The following PDZD7 variants were observed in gnomAD, a reference collection of about 807,000 sequenced individuals.
PDZD7 encodes the protein PDZ domain-containing protein 7.
PDZD7 carries 72 observed loss-of-function variants against 84.7 expected under a neutral mutation model. The ratio of observed to expected loss-of-function variants is 0.85; its 90% CI spans 0.70 to 1.03. PDZD7 has a LOEUF of 1.03. Among genes scored for constraint, PDZD7 ranks in the 50% least tolerant of loss-of-function variants. PDZD7 has a pLI of 0.00. For synonymous variants in PDZD7, 594 were observed against 580.7 expected (o/e 1.02, Z -0.33); for missense variants, 1,490 against 1,412.9 (o/e 1.05, Z -0.87).
Position 101,008,523 on chromosome 10 carries a change from AG to A in PDZD7, c.3045del (p.Ser1016ProfsTer29), listed in dbSNP as rs1852289551. 4.0e-6 allele frequency: 6 copies of A among 1,494,436 alleles called. No homozygotes were observed. Among genetic ancestry groups the A allele is most frequent in the African/African-American group, 1.5e-5 (1 of 66,020 alleles). 92.6% of individuals were successfully genotyped at this position (1,494,436 alleles called of 1,614,324 possible). A position where few individuals can be genotyped will look rare whatever the true frequency, so the allele number is the denominator to read the frequency against. ...RLLQPTPSPA[P>X]SPALQTPDSK... ...GAATCAGGAGTCTGGAGGGCTGGGG[AG>A]GGGGCTGGGCTGGGAGTTGGCTGGA... is the stretch of plus-strand genomic sequence containing the variant. On this transcript the variant is annotated frameshift_variant, in exon 17 of 17. Transcript: ENST00000619208. LOFTEE classifies it low-confidence loss of function (END_TRUNC).
chr10:101,018,698 T>C (rs777646724), intron 8 of PDZD7, 124 bp downstream of exon 8: 22 of 1,281,380 alleles, frequency 1.7e-5, no homozygotes, highest in Non-Finnish European at 2.3e-5. Flanking sequence ...AGCCTGGAGC[T>C]TGGGTTGGGC....
intron 9 of PDZD7, 52 bp downstream of exon 9, chr10:101,018,047 C>G (rs1487956635): frequency 6.8e-6 from 11 of 1,611,082 alleles, no homozygotes; most frequent in East Asian, 2.2e-5. Flanking sequence ...TGCTGAATGC[C>G]GAAGCTAGTG....
At chr10:101,026,738 G>T (rs1020758857) in intron 2 of PDZD7, among the ~76,000 whole-genome samples, 1 of 149,280 alleles carries the variant, frequency 6.7e-6, no homozygotes, top group African/African-American at 2.5e-5. Context: ...GAGAAGTCAG[G>T]TTACAGGGCA....
chr10:101,022,033 G>A (rs1331156201), intron 5 of PDZD7, 88 bp from the exon 6 acceptor site: 10 of 1,569,910 alleles, frequency 6.4e-6, no homozygotes, highest in Non-Finnish European at 7.8e-6. Flanking sequence ...ACACAAGACT[G>A]CACCAGTCAA....
chr10:101,012,921 C>T (rs529892490), intron 11 of PDZD7, among the ~76,000 whole-genome samples: 7 of 152,316 alleles, frequency 4.6e-5, no homozygotes, highest in Admixed American at 2.0e-4. Flanking sequence ...TGGCACTGCC[C>T]GGATGCCACC....
chr10:101,023,264 G>T, intron 4 of PDZD7, 172 bp downstream of exon 4: 4 of 726,902 alleles, frequency 5.5e-6, no homozygotes, highest in Non-Finnish European at 9.4e-6. Context: ...AGGAGGGCAG[G>T]GGAAAGATGC....
rs1309377588 is a variant in PDZD7 at position 101,010,810 on chromosome 10, C to T, written c.2079G>A (p.Glu693=). 6.5e-7 allele frequency: 1 copy of T among 1,535,276 alleles called. No homozygotes were observed. The highest frequency in any genetic ancestry group is 1.4e-5 in the African/African-American group (1 of 73,004). Residue 693 remains glutamate (E), a synonymous_variant, in exon 15 of 17, where the codon GAG becomes GAA. Coordinates refer to ENST00000619208, the MANE Select transcript of PDZD7 (RefSeq NM_001195263.2). ...GGGAGACCTTGAGGGCCCCCAGCCG[C>T]TCCCTCAGCTCCCCATTATCTTCCT... The part of the protein sequence containing the change: ...PEEEDNGELR[E]RLGALKVSPS...
intron 8 of PDZD7, among the ~76,000 whole-genome samples, chr10:101,018,497 T>C (rs977506246): frequency 6.6e-6 from 1 of 152,150 alleles, no homozygotes; most frequent in Non-Finnish European, 1.5e-5. Flanking sequence ...GTAAGGAATC[T>C]CCCTTGAGGC....
intron 2 of PDZD7, 151 bp downstream of exon 2, chr10:101,029,843 G>C (rs1159826262): frequency 1.3e-6 from 1 of 765,376 alleles, no homozygotes; most frequent in Non-Finnish European, 2.1e-6. Flanking sequence ...GAGGAAGAGT[G>C]TATGGGTTCC....
intron 2 of PDZD7, among the ~76,000 whole-genome samples, chr10:101,024,374 G>A (rs1444764795): frequency 6.6e-6 from 1 of 152,130 alleles, no homozygotes; most frequent in African/African-American, 2.4e-5. Context: ...CTTCCAAGTA[G>A]CTAGGACTAC....
chr10:101,016,874 C>G (rs572601091), intron 9 of PDZD7, among the ~76,000 whole-genome samples: 33 of 152,082 alleles, frequency 2.2e-4, no homozygotes, highest in African/African-American at 7.0e-4. Flanking sequence ...GCCAGGCAGC[C>G]GTAATTGGAA....
At chr10:101,025,188 T>C (rs1937620545) in intron 2 of PDZD7, among the ~76,000 whole-genome samples, 1 of 152,222 alleles carries the variant, frequency 6.6e-6, no homozygotes, top group Admixed American at 6.5e-5. Flanking sequence ...AACATTCTGC[T>C]GTTGGAAATA....
chr10:101,028,182 C>G (rs547645942), intron 2 of PDZD7, among the ~76,000 whole-genome samples: 16 of 152,314 alleles, frequency 1.1e-4, no homozygotes, highest in African/African-American at 3.4e-4. Flanking sequence ...GTGGTCAGAG[C>G]AACTCCTCAG....
rs150768091 is a variant in PDZD7 at position 101,008,423 on chromosome 10, C to T, written c.*44G>A. 1,061 of 1,462,422 alleles carry T rather than the reference C, an allele frequency of 7.3e-4. 2 individuals are homozygous for T. Among genetic ancestry groups the T allele is most frequent in the East Asian group, 4.6e-3 (186 of 40,206 alleles). 90.6% of individuals were successfully genotyped at this position (1,462,422 alleles called of 1,614,324 possible). A position where few individuals can be genotyped will look rare whatever the true frequency, so the allele number is the denominator to read the frequency against. On this transcript the variant is annotated 3_prime_UTR_variant, in exon 17 of 17. Coordinates refer to ENST00000619208, the MANE Select transcript of PDZD7 (RefSeq NM_001195263.2). ...TTGGTAGGAGAGGTCCTGGGGATAACGGGATGCTGGAGTCAGTGGGTGAAT... is the reference window on the plus strand; with the variant it reads ...TTGGTAGGAGAGGTCCTGGGGATAATGGGATGCTGGAGTCAGTGGGTGAAT...
chr10:101,025,847 A>G (rs1038768863), intron 2 of PDZD7, among the ~76,000 whole-genome samples: 2 of 152,054 alleles, frequency 1.3e-5, no homozygotes, highest in Non-Finnish European at 2.9e-5. Flanking sequence ...ACACCCGGCC[A>G]ATGGAAGAGA....
rs529887153 is a variant in PDZD7 at position 101,019,229 on chromosome 10, A to G, written c.929-12T>C. 29 of 1,535,410 alleles carry G rather than the reference A, an allele frequency of 1.9e-5. No homozygotes were observed. The African/African-American group carries it at 2.3e-4, about 12-fold the overall frequency. The stretch of plus-strand genomic sequence containing the variant: ...CACCCCGTTGCTCACTGCAGGGAGT[A>G]GAGAAGCCAGGGATCAGCGGGCTTG... On this transcript the variant is annotated splice_polypyrimidine_tract_variant and intron_variant, in intron 7 of 16. Coordinates refer to ENST00000619208, the MANE Select transcript of PDZD7 (RefSeq NM_001195263.2).
At chr10:101,017,437 G>T in intron 9 of PDZD7, 1 of 492,290 alleles carries the variant, frequency 2.0e-6, no homozygotes, top group Non-Finnish European at 3.6e-6. Flanking sequence ...ATGTTGCCCA[G>T]GCTGGTCTTA....
chr10:101,008,368 G>A lies in PDZD7; in HGVS notation c.*99C>T, dbSNP rs1022071760. The A allele has an allele frequency of 9.0e-6, 11 of 1,220,212 alleles. No individual in the cohort carries two copies. The highest frequency in any genetic ancestry group is 2.8e-4 in the Middle Eastern group (1 of 3,520). 75.6% of individuals were successfully genotyped at this position (1,220,212 alleles called of 1,614,324 possible). ...CAGTGTGGCACTGGGAGGAGGCAGG[G>A]TGGGCAGGAGCTGGAGAGTCCTGAA... On this transcript the variant is annotated 3_prime_UTR_variant, in exon 17 of 17. Transcript: ENST00000619208.
rs1395463483 is a variant in PDZD7 at position 101,008,287 on chromosome 10, A to C, written c.*180T>G. 1 of 701,652 alleles carries C rather than the reference A, an allele frequency of 1.4e-6. No homozygotes were observed. The highest frequency in any genetic ancestry group is 2.3e-6 in the Non-Finnish European group (1 of 435,716). 43.5% of individuals were successfully genotyped at this position (701,652 alleles called of 1,614,324 possible). ...CACTAGCACCTTGTCCTTGGACACT[A>C]AGGCAGAGCCTTAATGACAGCTGAG... On this transcript the variant is annotated 3_prime_UTR_variant, in exon 17 of 17. Coordinates refer to ENST00000619208, the MANE Select transcript of PDZD7 (RefSeq NM_001195263.2).
Sources: allele counts gnomAD v4.1 joint callset (sites outside exome capture counted in the v4.1 genomes callset), GRCh38; gene constraint gnomAD v4.1.1; transcripts MANE v1.5; gene names NCBI Gene and HGNC (gene_info 2026-07-23, HGNC 2026-07-21).